GOLM1: variants seen among roughly 807,000 people sequenced by gnomAD.
GOLM1 encodes golgi membrane protein 1, also known as epididymis luminal protein 46.
GOLM1 carries 31 observed loss-of-function variants against 50.5 expected under a neutral mutation model. The observed-to-expected ratio is 0.61, with a 90% confidence interval of 0.46 to 0.83. GOLM1 has a LOEUF of 0.83. Among genes scored for constraint, GOLM1 ranks in the 40% least tolerant of loss-of-function variants. GOLM1 has a pLI of 0.00. For missense variants in GOLM1, 491 were observed against 501.3 expected (o/e 0.98, Z 0.20); for synonymous variants, 178 against 192.8 (o/e 0.92, Z 0.64).
intron 3 of GOLM1, among the ~76,000 whole-genome samples, chr9:86,059,942 A>G (rs1028467524): frequency 6.6e-6 from 1 of 150,388 alleles, no homozygotes; most frequent in African/African-American, 2.4e-5. Flanking sequence ...ATCAGTGGTT[A>G]TAGTTGCATG....
intron 1 of GOLM1, among the ~76,000 whole-genome samples, chr9:86,092,099 T>C (rs1587745168): frequency 6.6e-6 from 1 of 152,180 alleles, no homozygotes; most frequent in South Asian, 2.1e-4. Flanking sequence ...GTCTGACCCT[T>C]GCTCTACCAC....
In GOLM1 at chr9:86,098,914, G is replaced by A. The variant is rs1835438082; in HGVS notation, c.-22+497C>T. On this transcript the variant is annotated intron_variant, in intron 1 of 9. Coordinates refer to ENST00000388712, the MANE Select transcript of GOLM1 (RefSeq NM_016548.4). Reference sequence around the variant, plus strand: ...GGCCCAGCGGCAACGTGGACCCCAGGGCGGCCGGAGCGCGCCTGGGGCTGG... The same window carrying A: ...GGCCCAGCGGCAACGTGGACCCCAGAGCGGCCGGAGCGCGCCTGGGGCTGG... 2.0e-5 allele frequency among the ~76,000 whole-genome samples: 3 copies of A among 152,172 alleles called. No homozygotes were observed. The South Asian group carries it at 6.2e-4, about 32-fold the overall frequency.
chr9:86,032,254 G>T (rs1833009897), intron 9 of GOLM1, among the ~76,000 whole-genome samples: 1 of 152,110 alleles, frequency 6.6e-6, no homozygotes, highest in Non-Finnish European at 1.5e-5. Context: ...TGCAACCTCT[G>T]CCTCCCGGGT....
intron 1 of GOLM1, among the ~76,000 whole-genome samples, chr9:86,090,999 T>C (rs1835167733): frequency 6.6e-6 from 1 of 152,092 alleles, no homozygotes; most frequent in Non-Finnish European, 1.5e-5. Context: ...TAGTTTCCCT[T>C]GGCTAGGGGA....
At chr9:86,050,315 G>A (rs1833701326) in intron 4 of GOLM1, among the ~76,000 whole-genome samples, 1 of 152,160 alleles carries the variant, frequency 6.6e-6, no homozygotes, top group Non-Finnish European at 1.5e-5. Flanking sequence ...AGGGATATAG[G>A]TCTAAAATTC....
chr9:86,037,026 G>C (rs1270614802), intron 6 of GOLM1, among the ~76,000 whole-genome samples: 1 of 152,156 alleles, frequency 6.6e-6, no homozygotes, highest in Non-Finnish European at 1.5e-5. Context: ...ATCAATAACA[G>C]GATGAAACTT....
chr9:86,039,180 G>C (rs976367654), intron 6 of GOLM1, among the ~76,000 whole-genome samples: 1 of 152,176 alleles, frequency 6.6e-6, no homozygotes, highest in Non-Finnish European at 1.5e-5. Context: ...AATGGCCAAT[G>C]AAACATGTGA....
chr9:86,085,837 T>C (rs1834943419), intron 1 of GOLM1, among the ~76,000 whole-genome samples: 1 of 152,232 alleles, frequency 6.6e-6, no homozygotes, highest in African/African-American at 2.4e-5. Flanking sequence ...TAGTATTCCA[T>C]GGTGTATACG....
chr9:86,074,536 C>G (rs911472790), intron 3 of GOLM1, among the ~76,000 whole-genome samples: 1 of 152,156 alleles, frequency 6.6e-6, no homozygotes, highest in Non-Finnish European at 1.5e-5. Flanking sequence ...TGCGGGCAGC[C>G]AAGAAGTTGT....
chr9:86,090,595 G>C (rs1835145972), intron 1 of GOLM1, among the ~76,000 whole-genome samples: 2 of 151,976 alleles, frequency 1.3e-5, no homozygotes, highest in Admixed American at 1.3e-4. Context: ...CCTCTACCAA[G>C]CTCGAGCATC....
chr9:86,028,429 A>G (rs1455348416), intron 9 of GOLM1, among the ~76,000 whole-genome samples: 2 of 152,186 alleles, frequency 1.3e-5, no homozygotes, highest in East Asian at 1.9e-4. Context: ...GAGGAAGACT[A>G]CCTTCCCATG....
intron 9 of GOLM1, among the ~76,000 whole-genome samples, chr9:86,031,817 A>ACAGG (rs1832992707): frequency 6.6e-6 from 1 of 151,508 alleles, no homozygotes; most frequent in Non-Finnish European, 1.5e-5. Context: ...ATGAATTGAT[A>ACAGG]CAGGCATTGA....
In GOLM1 at chr9:86,036,408, A is replaced by G; in HGVS notation, c.697T>C (p.Ser233Pro). The change falls in exon 7 of 10, where the codon TCC becomes CCC. Residue 233 changes from serine (S) to proline (P), a missense_variant. By Grantham distance (74) the Ser-to-Pro change is moderately conservative (BLOSUM62 -1). Coordinates refer to ENST00000388712, the MANE Select transcript of GOLM1 (RefSeq NM_016548.4). ...GKGNVLGNSK[S>P]QTPAPSSEVV... ...TCGGAACTGGGGGCTGGTGTCTGGG[A>G]CTTGCTGTTACCAAGCACGTTTCCC... The G allele has an allele frequency of 6.2e-7, 1 of 1,614,082 alleles. No individual in the cohort carries two copies. Among genetic ancestry groups the G allele is most frequent in the Non-Finnish European group, 8.5e-7 (1 of 1,180,000 alleles).
At chr9:86,038,736 C>T (rs1190201629) in intron 6 of GOLM1, among the ~76,000 whole-genome samples, 2 of 152,094 alleles carry the variant, frequency 1.3e-5, no homozygotes, top group Non-Finnish European at 2.9e-5. Flanking sequence ...TTGATAACCG[C>T]ACACACACAA....
In GOLM1 at chr9:86,036,358, T is replaced by G; in HGVS notation, c.747A>C (p.Gln249His). The change falls in exon 7 of 10, where the codon CAA becomes CAC. Residue 249 changes from glutamine to histidine, a missense_variant. Gln to His is a conservative substitution (Grantham distance 24). Coordinates refer to ENST00000388712, the MANE Select transcript of GOLM1 (RefSeq NM_016548.4). Reference sequence around the variant, plus strand: ...CTGGGCTCTGCTTACCTTTCTCAACTTGTCTCTTTGAATCCAAAACCACTT... The same window carrying G: ...CTGGGCTCTGCTTACCTTTCTCAACGTGTCTCTTTGAATCCAAAACCACTT... ...SSEVVLDSKRQVEKEETNEIQ... is the reference protein window; with the variant it reads ...SSEVVLDSKRHVEKEETNEIQ... 6.2e-7 allele frequency: 1 copy of G among 1,614,202 alleles called. No homozygotes were observed. The highest frequency in any genetic ancestry group is 8.5e-7 in the Non-Finnish European group (1 of 1,180,014).
chr9:86,035,147 T>C (rs1357275010), intron 8 of GOLM1: 3 of 985,294 alleles, frequency 3.0e-6, no homozygotes, highest in Non-Finnish European at 3.6e-6. Context: ...TCCCTGCCAA[T>C]ATTGCATCTA....
intron 3 of GOLM1, among the ~76,000 whole-genome samples, chr9:86,058,384 T>TACCAG (rs1834049794): frequency 6.6e-6 from 1 of 152,122 alleles, no homozygotes; most frequent in South Asian, 2.1e-4. Flanking sequence ...AATGAGAAGA[T>TACCAG]ACCACTTCAC....
chr9:86,027,867 CTCTT>C lies in GOLM1; in HGVS notation c.1152_1155del (p.Arg385ThrfsTer3). On this transcript the variant is annotated frameshift_variant, in exon 10 of 10. Coordinates refer to ENST00000388712, the MANE Select transcript of GOLM1 (RefSeq NM_016548.4). LOFTEE classifies it high-confidence loss of function. ...CGCTGATCAAGTAAATTTATGGTGT[CTCTT>C]TTCTGATCTTCAACATTAAAAACTA... 6.2e-7 allele frequency: 1 copy of C among 1,607,940 alleles called. No homozygotes were observed. Among genetic ancestry groups the C allele is most frequent in the South Asian group, 1.1e-5 (1 of 90,916 alleles).
In GOLM1 at chr9:86,077,430, C is replaced by T; in HGVS notation, c.291G>A (p.Lys97=). The T allele has an allele frequency of 6.2e-7, 1 of 1,614,152 alleles. No homozygotes were observed. The highest frequency in any genetic ancestry group is 8.5e-7 in the Non-Finnish European group (1 of 1,179,970). Residue 97 remains lysine, a synonymous_variant, in exon 3 of 10, where the codon AAG becomes AAA. Coordinates refer to ENST00000388712, the MANE Select transcript of GOLM1 (RefSeq NM_016548.4). ...SHNFQLESVN[K]LYQDEKAVLV... Reference sequence around the variant, plus strand: ...GCCTTGCCTTTTCGTCCTGGTACAGCTTGTTGACGCTCTCCAGCTGGAAGT... The same window carrying T: ...GCCTTGCCTTTTCGTCCTGGTACAGTTTGTTGACGCTCTCCAGCTGGAAGT...
Sources: allele counts gnomAD v4.1 joint callset (sites outside exome capture counted in the v4.1 genomes callset), GRCh38; gene constraint gnomAD v4.1.1; transcripts MANE v1.5; gene names NCBI Gene and HGNC (gene_info 2026-07-23, HGNC 2026-07-21).